The following MMP16 variants were observed in gnomAD, a reference collection of about 807,000 sequenced individuals.
The protein encoded by MMP16 is matrix metallopeptidase 16.
Under a neutral mutation model 67.8 loss-of-function variants are expected in MMP16, and 12 were observed. The ratio of observed to expected loss-of-function variants is 0.18; its 90% CI spans 0.11 to 0.29. The LOEUF (loss-of-function observed/expected upper bound fraction) is 0.29. Among genes scored for constraint, MMP16 ranks in the 10% least tolerant of loss-of-function variants. The pLI is 1.00. For synonymous variants in MMP16, 249 were observed against 255.9 expected, an observed-to-expected ratio of 0.97 and a Z score of 0.26; for missense variants, 475 against 765.7, an observed-to-expected ratio of 0.62 and a Z score of 4.48.
In MMP16 at chr8:88,167,960, T is replaced by A. The variant is rs1219802631; in HGVS notation, c.418A>T (p.Thr140Ser). 6.2e-7 allele frequency: 1 copy of A among 1,608,730 alleles called. No homozygotes were observed. Among genetic ancestry groups the A allele is most frequent in the East Asian group, 2.2e-5 (1 of 44,814 alleles). The stretch of plus-strand genomic sequence containing the variant: ...GTCTCAGGGTCTCCTACTTTTGGAG[T>A]TACGTTCTTTATACTGAAAGTTAGA... Reference protein sequence around the residue: ...KHITYSIKNVTPKVGDPETRK... With the variant: ...KHITYSIKNVSPKVGDPETRK... Residue 140 changes from threonine (T) to serine (S), a missense_variant, in exon 4 of 10, where the codon ACT becomes TCT. Physicochemically the swap from Thr to Ser is moderately conservative, Grantham distance 58. This residue lies in a region of MMP16 where 170 missense variants were observed against 239.6 expected (regional missense o/e 0.71). Coordinates refer to ENST00000286614, the MANE Select transcript of MMP16 (RefSeq NM_005941.5).
At chr8:88,057,976 A>G (rs1808352318) in intron 7 of MMP16, among the ~76,000 whole-genome samples, 1 of 152,120 alleles carries the variant, frequency 6.6e-6, no homozygotes, top group African/African-American at 2.4e-5. Flanking sequence ...AACAAAAAAC[A>G]GAGGTTGAGG....
chr8:88,118,413 A>C (rs1809475071), intron 5 of MMP16, among the ~76,000 whole-genome samples: 1 of 152,010 alleles, frequency 6.6e-6, no homozygotes, highest in South Asian at 2.1e-4. Flanking sequence ...AATTTTAAAA[A>C]CTAAAGTTTA....
At chr8:88,207,029 C>T (rs569471788) in intron 1 of MMP16, among the ~76,000 whole-genome samples, 99 of 152,118 alleles carry the variant, frequency 6.5e-4, no homozygotes, top group African/African-American at 1.7e-3. Context: ...ATTTGAAAAA[C>T]CTCATAGATG....
At chr8:88,063,204 A>G (rs1808422873) in intron 7 of MMP16, among the ~76,000 whole-genome samples, 1 of 152,110 alleles carries the variant, frequency 6.6e-6, no homozygotes, top group Non-Finnish European at 1.5e-5. Context: ...AATGATATTC[A>G]TCTATCCATC....
intron 6 of MMP16, among the ~76,000 whole-genome samples, chr8:88,074,946 G>A (rs1808622612): frequency 6.6e-6 from 1 of 152,144 alleles, no homozygotes; most frequent in African/African-American, 2.4e-5. Context: ...AAGCCATACA[G>A]TGTGATTTAA....
Position 88,326,810 on chromosome 8 carries a change from CT to C in MMP16, c.132+264del. 9 of 371,690 alleles carry C rather than the reference CT, an allele frequency of 2.4e-5. No individual in the cohort carries two copies. The South Asian group carries it at 3.0e-4, about 12-fold the overall frequency. 23.0% of individuals were successfully genotyped at this position (371,690 alleles called of 1,614,324 possible). On this transcript the variant is annotated intron_variant, in intron 1 of 9. Coordinates refer to ENST00000286614, the MANE Select transcript of MMP16 (RefSeq NM_005941.5). ...TTGCTATATGTAGGACTTCTCTTCC[CT>C]GGGTGAAAAGCATGGACCGGCTACA... is the stretch of plus-strand genomic sequence containing the variant.
At chr8:88,252,646 C>CA (rs10715771) in intron 1 of MMP16, among the ~76,000 whole-genome samples, 92 of 128,096 alleles carry the variant, frequency 7.2e-4, no homozygotes, top group Middle Eastern at 4.0e-3. Context: ...CACCTCTTAG[C>CA]AAAAAAAAAA....
At chr8:88,212,180 T>C (rs889637963) in intron 1 of MMP16, among the ~76,000 whole-genome samples, 5 of 152,158 alleles carry the variant, frequency 3.3e-5, no homozygotes, top group Admixed American at 6.6e-5. Context: ...CAAGTCATCA[T>C]GTGAGAGGTA....
intron 9 of MMP16, among the ~76,000 whole-genome samples, chr8:88,044,504 A>AT (rs1367374424): frequency 5.3e-5 from 8 of 152,104 alleles, no homozygotes; most frequent in East Asian, 1.9e-4. Flanking sequence ...AGGTATTTGT[A>AT]TTTTTTTCCT....
chr8:88,113,955 A>G (rs1165498414), intron 6 of MMP16, among the ~76,000 whole-genome samples: 1 of 151,972 alleles, frequency 6.6e-6, no homozygotes, highest in East Asian at 1.9e-4. Flanking sequence ...ACTTTTCTCA[A>G]TTATTTCAGG....
chr8:88,159,375 T>G (rs1808572837), intron 4 of MMP16, among the ~76,000 whole-genome samples: 1 of 152,174 alleles, frequency 6.6e-6, no homozygotes, highest in Admixed American at 6.6e-5. Flanking sequence ...AAGAGGTCCT[T>G]CACATCCCTT....
intron 4 of MMP16, among the ~76,000 whole-genome samples, chr8:88,140,736 T>C (rs1339959315): frequency 2.0e-5 from 3 of 152,176 alleles, no homozygotes; most frequent in Admixed American, 6.6e-5. Flanking sequence ...TCATAACATT[T>C]TGATTAGAAA....
chr8:88,056,163 C>T lies in MMP16; in HGVS notation c.1338G>A (p.Glu446=). Residue 446 remains glutamate (E), a synonymous_variant, in exon 8 of 10, where the codon GAG becomes GAA. Coordinates refer to ENST00000286614, the MANE Select transcript of MMP16 (RefSeq NM_005941.5). ...TGAAGAAATAGGTTTTCCCGACGTC[C>T]TCCCACCAAATGGCTGAATCAATAC... ...PHGIDSAIWW[E]DVGKTYFFKG... 2 of 1,591,054 alleles carry T rather than the reference C, an allele frequency of 1.3e-6. No homozygotes were observed. Among genetic ancestry groups the T allele is most frequent in the Non-Finnish European group, 1.7e-6 (2 of 1,167,014 alleles).
chr8:88,136,705 T>TA (rs1808124701), intron 4 of MMP16, among the ~76,000 whole-genome samples: 2 of 151,774 alleles, frequency 1.3e-5, no homozygotes, highest in African/African-American at 2.4e-5. Context: ...TCATATTTAA[T>TA]ATGAATTAAA....
chr8:88,260,720 T>C lies in MMP16; in HGVS notation c.133-63414A>G, dbSNP rs118162158. ...TAACATTCAGATGAACCTGAACAAT[T>C]ACAATATAGATTAAAAATTAGAAAA... On this transcript the variant is annotated intron_variant, in intron 1 of 9. Transcript: ENST00000286614. Among the ~76,000 whole-genome samples, 818 of 152,220 alleles carry C rather than the reference T, an allele frequency of 5.4e-3. 3 individuals are homozygous for C. The highest frequency in any genetic ancestry group is 0.034 in the South Asian group (166 of 4,824).
chr8:88,223,237 T>C (rs1469862733), intron 1 of MMP16, among the ~76,000 whole-genome samples: 1 of 152,152 alleles, frequency 6.6e-6, no homozygotes, highest in Admixed American at 6.5e-5. Flanking sequence ...GCTTTTATGC[T>C]GTTGGTGGGA....
intron 2 of MMP16, among the ~76,000 whole-genome samples, chr8:88,195,894 C>T (rs966785582): frequency 6.6e-6 from 1 of 152,004 alleles, no homozygotes; most frequent in Non-Finnish European, 1.5e-5. Context: ...TAAAGGTTTT[C>T]CTGTGTTGAT....
chr8:88,131,294 C>CAA lies in MMP16; in HGVS notation c.710-12435_710-12434dup, dbSNP rs879893307. Among the ~76,000 whole-genome samples the CAA allele has an allele frequency of 7.3e-5, 11 of 151,408 alleles. No individual in the cohort carries two copies. The East Asian group carries it at 7.8e-4, about 11-fold the overall frequency. ...ACACACACACACACACACACACACACAATCTTCCATAAATTTCATCACCTA... is the reference window on the plus strand; with the variant it reads ...ACACACACACACACACACACACACACAAAATCTTCCATAAATTTCATCACCTA... On this transcript the variant is annotated intron_variant, in intron 4 of 9. Transcript: ENST00000286614.
At chr8:88,317,659 A>C (rs914046227) in intron 1 of MMP16, among the ~76,000 whole-genome samples, 1 of 152,282 alleles carries the variant, frequency 6.6e-6, no homozygotes, top group East Asian at 1.9e-4. Flanking sequence ...GAATATTTAA[A>C]TTTTGTAAAA....
Sources: gnomAD v4.1 joint callset for allele counts (sites outside exome capture counted in the v4.1 genomes callset) on GRCh38, gnomAD v4.1.1 for gene constraint, gnomAD v4.1.1 regional missense constraint, MANE v1.5 for transcripts, NCBI Gene and HGNC (gene_info 2026-07-23, HGNC 2026-07-21) for gene names.